MGAT4C: variants seen among roughly 807,000 people sequenced by gnomAD.
MGAT4C encodes the protein alpha-1,3-mannosyl-glycoprotein 4-beta-N-acetylglucosaminyltransferase C.
In MGAT4C, 19 loss-of-function variants were observed where a neutral mutation model predicts 40.1. That is an observed-to-expected ratio of 0.47 (90% CI 0.33 to 0.70). MGAT4C has a LOEUF of 0.70. MGAT4C is among the 30% of genes least tolerant of loss of function. MGAT4C has a pLI of 0.02. For synonymous variants in MGAT4C, 181 were observed against 187.1 expected (o/e 0.97, Z 0.27); for missense variants, 491 against 563.2 (o/e 0.87, Z 1.30).
intron 1 of MGAT4C, among the ~76,000 whole-genome samples, chr12:86,804,270 G>A (rs1593222840): frequency 8.6e-6 from 1 of 116,704 alleles, no homozygotes; most frequent in Non-Finnish European, 1.7e-5. Context: ...CTGTAGTGGG[G>A]TGGGGGGAGG....
chr12:86,562,920 T>C (rs562669093), intron 2 of MGAT4C, among the ~76,000 whole-genome samples: 1 of 152,284 alleles, frequency 6.6e-6, no homozygotes, highest in Non-Finnish European at 1.5e-5. Flanking sequence ...ATAGTTTATA[T>C]ACTTGGTTGG....
intron 2 of MGAT4C, among the ~76,000 whole-genome samples, chr12:86,448,446 TCTC>T (rs1243865726): frequency 6.6e-6 from 1 of 152,170 alleles, no homozygotes; most frequent in Non-Finnish European, 1.5e-5. Flanking sequence ...AGCATAGCCT[TCTC>T]CTTACCCTAT....
At chr12:86,743,781 C>G (rs1192399591) in intron 1 of MGAT4C, among the ~76,000 whole-genome samples, 1 of 151,630 alleles carries the variant, frequency 6.6e-6, no homozygotes, top group Non-Finnish European at 1.5e-5. Context: ...TCCTGAAATA[C>G]TAGTCAGGCA....
chr12:86,483,940 T>G (rs1957976548), intron 2 of MGAT4C, among the ~76,000 whole-genome samples: 1 of 150,994 alleles, frequency 6.6e-6, no homozygotes, highest in Non-Finnish European at 1.5e-5. Context: ...CAACAAGAGT[T>G]ATTAAAGACG....
intron 1 of MGAT4C, among the ~76,000 whole-genome samples, chr12:86,125,813 G>T (rs1043687973): frequency 6.6e-6 from 1 of 151,962 alleles, no homozygotes; most frequent in Admixed American, 6.6e-5. Flanking sequence ...ATTTTAAAAT[G>T]ATAATAACCC....
chr12:85,984,147 T>C (rs566502816), intron 3 of MGAT4C, among the ~76,000 whole-genome samples: 2 of 152,276 alleles, frequency 1.3e-5, no homozygotes, highest in South Asian at 4.1e-4. Flanking sequence ...TGTGAAACTT[T>C]AGGAATGATT....
chr12:86,834,175 GAT>G (rs1336658163), intron 1 of MGAT4C, among the ~76,000 whole-genome samples: 14 of 3,142 alleles, frequency 4.5e-3, no homozygotes, highest in African/African-American at 5.9e-3. Context: ...GAGATAGATA[GAT>G]ATAGATATAG....
At chr12:86,463,835 TG>T (rs1159061493) in intron 2 of MGAT4C, among the ~76,000 whole-genome samples, 5 of 152,142 alleles carry the variant, frequency 3.3e-5, no homozygotes, top group African/African-American at 4.8e-5. Context: ...CCATTTCTAC[TG>T]GGGATATTGT....
At chr12:86,134,718 C>T (rs1566031567) in intron 1 of MGAT4C, among the ~76,000 whole-genome samples, 1 of 152,066 alleles carries the variant, frequency 6.6e-6, no homozygotes, top group African/African-American at 2.4e-5. Context: ...TAATAAAAGC[C>T]TCTCTTTCTG....
chr12:86,417,534 T>G (rs962653777), intron 3 of MGAT4C, among the ~76,000 whole-genome samples: 9 of 152,152 alleles, frequency 5.9e-5, no homozygotes, highest in Admixed American at 4.6e-4. Flanking sequence ...AGAATTTATG[T>G]AAATTGAACA....
At chr12:86,274,007 A>G (rs1430735071) in intron 4 of MGAT4C, among the ~76,000 whole-genome samples, 1 of 152,198 alleles carries the variant, frequency 6.6e-6, no homozygotes, top group Non-Finnish European at 1.5e-5. Flanking sequence ...TAATGCTGGC[A>G]TCTGCTCAGC....
intron 1 of MGAT4C, among the ~76,000 whole-genome samples, chr12:86,238,819 T>C (rs909046540): frequency 6.6e-6 from 1 of 152,028 alleles, no homozygotes; most frequent in Admixed American, 6.6e-5. Flanking sequence ...TGAAGAAAGA[T>C]AAAGTATTAT....
chr12:86,809,964 G>A (rs2069470495), intron 1 of MGAT4C, among the ~76,000 whole-genome samples: 1 of 151,904 alleles, frequency 6.6e-6, no homozygotes, highest in Non-Finnish European at 1.5e-5. Flanking sequence ...CAGACAAATG[G>A]CATCCGTACT....
chr12:86,524,002 G>A (rs1248601174), intron 2 of MGAT4C, among the ~76,000 whole-genome samples: 1 of 152,054 alleles, frequency 6.6e-6, no homozygotes, highest in Non-Finnish European at 1.5e-5. Flanking sequence ...TGAGTCTCTT[G>A]AAGACAGCAT....
intron 1 of MGAT4C, among the ~76,000 whole-genome samples, chr12:86,731,187 G>C (rs992901984): frequency 6.6e-6 from 1 of 152,006 alleles, no homozygotes; most frequent in Non-Finnish European, 1.5e-5. Context: ...CAGTCTGTGG[G>C]GTGGTAGCTG....
intron 3 of MGAT4C, among the ~76,000 whole-genome samples, chr12:86,363,601 A>G (rs1955529878): frequency 6.6e-6 from 1 of 152,128 alleles, no homozygotes; most frequent in East Asian, 1.9e-4. Flanking sequence ...AAAAAATGTG[A>G]TAATAAAGAT....
At chr12:86,692,107 T>G (rs1282150421) in intron 2 of MGAT4C, among the ~76,000 whole-genome samples, 1 of 152,034 alleles carries the variant, frequency 6.6e-6, no homozygotes, top group Non-Finnish European at 1.5e-5. Flanking sequence ...AAAATGGAAA[T>G]GCAGAAAAGA....
chr12:86,207,230 C>T (rs919905505), intron 1 of MGAT4C, among the ~76,000 whole-genome samples: 5 of 151,600 alleles, frequency 3.3e-5, no homozygotes, highest in South Asian at 4.2e-4. Context: ...AGTGACATTT[C>T]GCATGCATCA....
chr12:86,775,932 AT>A (rs1403166543), intron 1 of MGAT4C, among the ~76,000 whole-genome samples: 1 of 151,936 alleles, frequency 6.6e-6, no homozygotes, highest in East Asian at 1.9e-4. Context: ...TGCACAATAG[AT>A]TTGTTTGCAA....
Sources: allele counts gnomAD v4.1 joint callset (sites outside exome capture counted in the v4.1 genomes callset), GRCh38; gene constraint gnomAD v4.1.1; transcripts MANE v1.5; gene names NCBI Gene and HGNC (gene_info 2026-07-23, HGNC 2026-07-21).